WDR75: variants seen among roughly 807,000 people sequenced by gnomAD.
WDR75 encodes WD repeat domain 75, also known as WD repeat-containing protein 75.
In WDR75, 52 loss-of-function variants were observed where a neutral mutation model predicts 106.1. The ratio of observed to expected loss-of-function variants is 0.49; its 90% CI spans 0.39 to 0.62. WDR75 has a LOEUF of 0.62. Among genes scored for constraint, WDR75 ranks in the 20% least tolerant of loss-of-function variants. The pLI is 0.00. For synonymous variants in WDR75, 333 were observed against 335.5 expected (o/e 0.99, Z 0.08); for missense variants, 905 against 970.3 (o/e 0.93, Z 0.89).
intron 13 of WDR75, 61 bp from the exon 14 acceptor site, chr2:189,467,407 C>T: frequency 6.7e-7 from 1 of 1,495,958 alleles, no homozygotes; most frequent in South Asian, 1.4e-5. Context: ...CTAGGGGGAA[C>T]TACTGTAGCA....
At chr2:189,455,265 C>T in intron 4 of WDR75, 55 bp from the exon 5 acceptor site, 3 of 1,558,862 alleles carry the variant, frequency 1.9e-6, no homozygotes, top group African/African-American at 1.4e-5. Context: ...AAATTCCTTA[C>T]ACATGTTTGC....
intron 1 of WDR75, among the ~76,000 whole-genome samples, chr2:189,447,298 C>G (rs183533399): frequency 1.3e-5 from 2 of 152,342 alleles, no homozygotes; most frequent in East Asian, 3.9e-4. Context: ...AGCTTAACCA[C>G]TTTTAGTAAT....
chr2:189,468,889 C>T (rs1687058564), intron 15 of WDR75, among the ~76,000 whole-genome samples: 2 of 152,144 alleles, frequency 1.3e-5, no homozygotes, highest in Admixed American at 1.3e-4. Flanking sequence ...ATTTTTAATA[C>T]TTACTAATCT....
At chr2:189,474,847 TG>T (rs1171904384) in intron 20 of WDR75, 39 bp downstream of exon 20, 1 of 1,499,768 alleles carries the variant, frequency 6.7e-7, no homozygotes, top group Admixed American at 1.7e-5. Flanking sequence ...CACTCTCTTT[TG>T]GGAAACAGGA....
intron 13 of WDR75, 44 bp downstream of exon 13, chr2:189,466,626 G>A: frequency 1.3e-6 from 2 of 1,554,284 alleles, no homozygotes; most frequent in Non-Finnish European, 1.7e-6. Context: ...CACAATTTTA[G>A]GAATTAATTT....
intron 2 of WDR75, chr2:189,450,094 AAGAG>A: frequency 1.1e-6 from 1 of 946,964 alleles, no homozygotes; most frequent in Non-Finnish European, 1.3e-6. Context: ...CATTCTGTAT[AAGAG>A]TACAGAATGT....
At chr2:189,441,657 C>A in intron 1 of WDR75, 79 bp downstream of exon 1, 1 of 1,468,558 alleles carries the variant, frequency 6.8e-7, no homozygotes, top group Non-Finnish European at 9.3e-7. Flanking sequence ...AATTGTCAGT[C>A]GCGTTCGGAC....
At chr2:189,442,332 G>C (rs1325806736) in intron 1 of WDR75, among the ~76,000 whole-genome samples, 1 of 151,060 alleles carries the variant, frequency 6.6e-6, no homozygotes, top group African/African-American at 2.4e-5. Context: ...TGTATTGTCA[G>C]GTTTTCAAAT....
chr2:189,466,438 A>G lies in WDR75; in HGVS notation c.1303A>G (p.Thr435Ala). Reference sequence around the variant, plus strand: ...CCTTCCCGCTAGGTTTATTCTTAACACTAAAATTAACATGCCACACGAAGA... The same window carrying G: ...CCTTCCCGCTAGGTTTATTCTTAACGCTAAAATTAACATGCCACACGAAGA... ...NKKTQGFILN[T>A]KINMPHEDCI... Residue 435 changes from threonine (T) to alanine (A), a missense_variant, in exon 13 of 21, where the codon ACT (threonine) becomes GCT (alanine). Coordinates refer to ENST00000314761, the MANE Select transcript of WDR75 (RefSeq NM_032168.3). The G allele has an allele frequency of 1.2e-6, 2 of 1,612,544 alleles. No individual in the cohort carries two copies. The highest frequency in any genetic ancestry group is 1.7e-4 in the Middle Eastern group (1 of 6,052).
chr2:189,467,105 G>A (rs1687018975), intron 13 of WDR75, among the ~76,000 whole-genome samples: 1 of 151,954 alleles, frequency 6.6e-6, no homozygotes, highest in Non-Finnish European at 1.5e-5. Flanking sequence ...CCCCGCCCCA[G>A]TTGATGCCTG....
At chr2:189,468,702 G>T in intron 15 of WDR75, 133 bp downstream of exon 15, 1 of 767,416 alleles carries the variant, frequency 1.3e-6, no homozygotes, top group South Asian at 1.9e-5. Flanking sequence ...CGTGACATAT[G>T]ATGCCACCAA....
At chr2:189,471,665 T>C (rs772478075) in intron 18 of WDR75, among the ~76,000 whole-genome samples, 5 of 152,230 alleles carry the variant, frequency 3.3e-5, no homozygotes, top group Non-Finnish European at 5.9e-5. Flanking sequence ...GCCTTCTGAC[T>C]GTCTTCAGTC....
At chr2:189,450,368 G>GT (rs34244444) in intron 2 of WDR75, 35 of 973,146 alleles carry the variant, frequency 3.6e-5, no homozygotes, top group East Asian at 2.3e-4. Context: ...TTTGGTTTTG[G>GT]TTTTTTTTTC....
In WDR75 at chr2:189,469,034, C is replaced by T. The variant is rs112831988; in HGVS notation, c.1724-310C>T. Among the ~76,000 whole-genome samples, 592 of 152,204 alleles carry T rather than the reference C, an allele frequency of 3.9e-3. 3 individuals are homozygous for T. The highest frequency in any genetic ancestry group is 0.01 in the Middle Eastern group (3 of 294). The stretch of plus-strand genomic sequence containing the variant: ...GCTTATAAATGAATGTGTATGGTAA[C>T]TTTTTTCAGTATTCTTTACAGTTAA... On this transcript the variant is annotated intron_variant, in intron 15 of 20. Coordinates refer to ENST00000314761, the MANE Select transcript of WDR75 (RefSeq NM_032168.3).
At chr2:189,473,010 G>A (rs1458243949) in intron 18 of WDR75, among the ~76,000 whole-genome samples, 11 of 152,120 alleles carry the variant, frequency 7.2e-5, no homozygotes. Context: ...TTGAGGTCAG[G>A]AGTTCGAGAC....
chr2:189,463,747 G>A lies in WDR75; in HGVS notation c.991G>A (p.Val331Met). The A allele has an allele frequency of 1.2e-6, 2 of 1,613,758 alleles. No individual in the cohort carries two copies. The highest frequency in any genetic ancestry group is 1.1e-5 in the South Asian group (1 of 91,062). Reference sequence around the variant, plus strand: ...AGCATCCGCAGTAATTCAAGGCCTAGTGAAAGGTATTGCAGAACTCAGTGG... The same window carrying A: ...AGCATCCGCAGTAATTCAAGGCCTAATGAAAGGTATTGCAGAACTCAGTGG... ...LEASAVIQGL[V>M]KDRSIFTGLM... is the part of the protein sequence containing the mutation. Residue 331 changes from valine (V) to methionine (M), a missense_variant, in exon 10 of 21, where the codon GTG becomes ATG. Val to Met is a conservative substitution (Grantham distance 21, BLOSUM62 1). Coordinates refer to ENST00000314761, the MANE Select transcript of WDR75 (RefSeq NM_032168.3).
At chr2:189,449,750 A>G in intron 2 of WDR75, 1 of 985,948 alleles carries the variant, frequency 1.0e-6, no homozygotes, top group Non-Finnish European at 1.2e-6. Context: ...TGATTCTCAT[A>G]TGCAGTAATT....
chr2:189,447,590 T>C (rs1686527670), intron 1 of WDR75, among the ~76,000 whole-genome samples: 1 of 152,208 alleles, frequency 6.6e-6, no homozygotes, highest in South Asian at 2.1e-4. Context: ...ATCCATTTAA[T>C]GAGCAGGCAA....
chr2:189,463,656 C>G, intron 9 of WDR75, 38 bp from the exon 10 acceptor site: 1 of 1,608,524 alleles, frequency 6.2e-7, no homozygotes, highest in Non-Finnish European at 8.5e-7. Flanking sequence ...TTTCTCTAAC[C>G]TATTGATATT....
Sources: gnomAD v4.1 joint callset for allele counts (sites outside exome capture counted in the v4.1 genomes callset) on GRCh38, gnomAD v4.1.1 for gene constraint, MANE v1.5 for transcripts, NCBI Gene and HGNC (gene_info 2026-07-23, HGNC 2026-07-21) for gene names.